Variants in ZFHX3 observed in about 807,000 individuals in gnomAD.
The protein encoded by ZFHX3 is zinc finger homeobox 3, also known as zinc finger homeobox protein 3.
Under a neutral mutation model 279.1 loss-of-function variants are expected in ZFHX3, and 42 were observed. The observed-to-expected ratio is 0.15, with a 90% CI of 0.12 to 0.19. The LOEUF (loss-of-function observed/expected upper bound fraction) is 0.19, where lower values mean the gene tolerates loss of function less well. ZFHX3 is among the 10% of genes least tolerant of loss of function. The probability of loss-of-function intolerance (pLI) is 1.00; values close to 1 mark genes in which losing one functional copy is unlikely to be tolerated. For synonymous variants in ZFHX3, 2,293 were observed against 1,957.8 expected (o/e 1.17, Z -4.52); for missense variants, 4,981 against 4,754.0 (o/e 1.05, Z -1.40).
Position 72,957,816 on chromosome 16 carries a change from A to ACCGCCG in ZFHX3, c.2324_2329dup (p.Ala775_Ala776dup), listed in dbSNP as rs761186383. ...ATTGGCTGCCGCCGCCGCCGCAGCCACCGCCGCCGCCGCCGCCCCGGCAGT... is the reference window on the plus strand; with the variant it reads ...ATTGGCTGCCGCCGCCGCCGCAGCCACCGCCGCCGCCGCCGCCGCCGCCCCGGCAGT... On this transcript the variant is annotated inframe_insertion, in exon 2 of 10. Coordinates refer to ENST00000268489, the MANE Select transcript of ZFHX3 (RefSeq NM_006885.4). The ACCGCCG allele has an allele frequency of 3.8e-6, 6 of 1,597,622 alleles. No individual in the cohort carries two copies. Among genetic ancestry groups the ACCGCCG allele is most frequent in the African/African-American group, 2.7e-5 (2 of 74,370 alleles).
Position 72,950,787 on chromosome 16 carries a change from G to C in ZFHX3, c.2898C>G (p.Asn966Lys), listed in dbSNP as rs759413020. ...CGTCCTCCGACAGGCTGCGCTCCAC[G>C]TTCATGTGCAGGCCCAGCATGTCCA... The part of the protein sequence containing the change: ...DNLDMLGLHM[N>K]VERSLSEDEW... The change falls in exon 3 of 10, where the codon AAC becomes AAG. Residue 966 changes from asparagine to lysine, a missense_variant. Asn to Lys is a moderately conservative substitution (Grantham distance 94). Transcript: ENST00000268489. 11 of 1,614,190 alleles carry C rather than the reference G, an allele frequency of 6.8e-6. No homozygotes were observed. Among genetic ancestry groups the C allele is most frequent in the East Asian group, 4.5e-5 (2 of 44,890 alleles).
At chr16:73,405,122 C>T (rs1362478592) in intron 3 of ZFHX3, among the ~76,000 whole-genome samples, 5 of 152,118 alleles carry the variant, frequency 3.3e-5, no homozygotes, top group Non-Finnish European at 7.4e-5. Context: ...AACTTTTAAT[C>T]CTCATCATTA....
At chr16:72,977,132 C>T (rs1962385186) in intron 1 of ZFHX3, among the ~76,000 whole-genome samples, 1 of 152,204 alleles carries the variant, frequency 6.6e-6, no homozygotes, top group Non-Finnish European at 1.5e-5. Flanking sequence ...GATTTCATTT[C>T]TACTGGCTCC....
rs371888462 is a variant in ZFHX3 at position 73,736,339 on chromosome 16, A to G, written c.-1607-56099T>C. 7.6e-4 allele frequency among the ~76,000 whole-genome samples: 115 copies of G among 152,260 alleles called. 1 individual carries two copies. The highest frequency in any genetic ancestry group is 2.6e-3 in the African/African-American group (107 of 41,570). On this transcript the variant is annotated intron_variant, in intron 1 of 17. Coordinates refer to the ZFHX3 transcript ENST00000641206. ...GACCAAACTTCCAGCTCCCACAATC[A>G]TGGAAGGTCTACTCTCTGCAACAAA...
At chr16:73,358,152 G>C (rs564214549) in intron 3 of ZFHX3, among the ~76,000 whole-genome samples, 1 of 152,208 alleles carries the variant, frequency 6.6e-6, no homozygotes, top group Non-Finnish European at 1.5e-5. Flanking sequence ...TGCTTTGTAC[G>C]GATTTGTGCT....
At chr16:73,177,173 G>A (rs76634840) in intron 5 of ZFHX3, among the ~76,000 whole-genome samples, 1 of 151,654 alleles carries the variant, frequency 6.6e-6, no homozygotes, top group Admixed American at 6.6e-5. Flanking sequence ...CAACCAACCA[G>A]CCAACCAACC....
intron 3 of ZFHX3, among the ~76,000 whole-genome samples, chr16:73,427,771 T>TAA (rs767091672): frequency 7.1e-6 from 1 of 139,870 alleles, no homozygotes; most frequent in Admixed American, 7.2e-5. Flanking sequence ...CTGTCTCTAC[T>TAA]AAAAAAAAAA....
intron 1 of ZFHX3, among the ~76,000 whole-genome samples, chr16:73,682,053 A>C (rs933077112): frequency 6.6e-6 from 1 of 152,210 alleles, no homozygotes; most frequent in East Asian, 1.9e-4. Context: ...TAACAAATAA[A>C]GGCTGATATT....
At chr16:72,845,854 T>C (rs1044042086) in intron 4 of ZFHX3, among the ~76,000 whole-genome samples, 1 of 152,214 alleles carries the variant, frequency 6.6e-6, no homozygotes, top group Non-Finnish European at 1.5e-5. Flanking sequence ...AGGACTCTCA[T>C]TTCACAGATG....
At chr16:73,381,705 A>C (rs2143369910) in intron 3 of ZFHX3, among the ~76,000 whole-genome samples, 1 of 152,354 alleles carries the variant, frequency 6.6e-6, no homozygotes, top group African/African-American at 2.4e-5. Context: ...CATTGCAAGA[A>C]GAAGAATTGT....
At chr16:73,019,112 A>G (rs987318286) in intron 1 of ZFHX3, among the ~76,000 whole-genome samples, 3 of 152,220 alleles carry the variant, frequency 2.0e-5, no homozygotes, top group African/African-American at 7.2e-5. Flanking sequence ...TCAAGTCAAA[A>G]GAGTTGGGAT....
At chr16:73,874,658 CT>C (rs2029895197) in intron 1 of ZFHX3, among the ~76,000 whole-genome samples, 1 of 152,120 alleles carries the variant, frequency 6.6e-6, no homozygotes, top group Non-Finnish European at 1.5e-5. Flanking sequence ...TACATCAAAC[CT>C]TTGTATATTT....
intron 2 of ZFHX3, among the ~76,000 whole-genome samples, chr16:73,591,156 G>A (rs955757988): frequency 4.0e-5 from 6 of 149,792 alleles, no homozygotes; most frequent in Non-Finnish European, 8.9e-5. Context: ...TTCGAGATCA[G>A]CCTGACCAAC....
intron 1 of ZFHX3, among the ~76,000 whole-genome samples, chr16:73,866,703 C>T (rs1028610815): frequency 1.3e-5 from 2 of 152,170 alleles, no homozygotes; most frequent in East Asian, 3.9e-4. Context: ...AGTTGGGCTT[C>T]CCTCAGAAAC....
In ZFHX3 at chr16:73,555,573, G is replaced by A. The variant is rs113949152; in HGVS notation, c.-1546-99315C>T. 6.7e-3 allele frequency among the ~76,000 whole-genome samples: 1,014 copies of A among 150,422 alleles called. 12 individuals carry two copies. Among genetic ancestry groups the A allele is most frequent in the African/African-American group, 0.023 (968 of 41,194 alleles). ...TGGCCGGGTGCCGGGGCTCACGCCT[G>A]TAATCCCAGCACTTTGGTAGGCCAA... On this transcript the variant is annotated intron_variant, in intron 2 of 17. Coordinates refer to the ZFHX3 transcript ENST00000641206.
intron 4 of ZFHX3, among the ~76,000 whole-genome samples, chr16:72,853,927 G>A (rs4461079): frequency 0.02 from 2,965 of 151,580 alleles, 61 homozygotes; most frequent in East Asian, 0.068. Flanking sequence ...TATGGCCTCC[G>A]CTGTTTATTA....
At chr16:72,956,255 G>GA (rs1434811218) in intron 2 of ZFHX3, among the ~76,000 whole-genome samples, 3 of 152,080 alleles carry the variant, frequency 2.0e-5, no homozygotes, top group Non-Finnish European at 4.4e-5. Context: ...AGCCATCCTG[G>GA]AAAAAAAGTC....
chr16:72,897,776 T>G (rs984470918), intron 3 of ZFHX3, among the ~76,000 whole-genome samples: 6 of 152,084 alleles, frequency 3.9e-5, no homozygotes, highest in Admixed American at 6.5e-5. Flanking sequence ...TACAACCCCA[T>G]GAGGTGGGTC....
chr16:73,532,916 C>G (rs1305272185), intron 2 of ZFHX3, among the ~76,000 whole-genome samples: 1 of 152,086 alleles, frequency 6.6e-6, no homozygotes, highest in Non-Finnish European at 1.5e-5. Context: ...TCCTGCCACC[C>G]TGTAAAGGGG....
Sources: gnomAD v4.1 joint callset for allele counts (sites outside exome capture counted in the v4.1 genomes callset) on GRCh38, gnomAD v4.1.1 for gene constraint, MANE v1.5 for transcripts, NCBI Gene and HGNC (gene_info 2026-07-23, HGNC 2026-07-21) for gene names.